Variants in SYN3 observed in about 807,000 individuals in gnomAD.
SYN3 encodes the protein synapsin III, also known as synapsin-3.
In SYN3, 35 loss-of-function variants were observed where a neutral mutation model predicts 65.8. The observed-to-expected ratio is 0.53, with a 90% CI of 0.41 to 0.70. The LOEUF is 0.70. SYN3 is among the 30% of genes least tolerant of loss of function. The pLI, the probability that SYN3 is intolerant of heterozygous loss-of-function variation, is 0.00. For synonymous variants in SYN3, 270 were observed against 292.9 expected (o/e 0.92, Z 0.80); for missense variants, 680 against 749.0 (o/e 0.91, Z 1.08).
chr22:32,997,393 T>G (rs960170432), intron 2 of SYN3, among the ~76,000 whole-genome samples: 1 of 152,134 alleles, frequency 6.6e-6, no homozygotes, highest in African/African-American at 2.4e-5. Context: ...TCAGCATCTA[T>G]CTCGTGCCAC....
At chr22:32,606,425 G>A (rs530340819) in intron 6 of SYN3, among the ~76,000 whole-genome samples, 48 of 152,256 alleles carry the variant, frequency 3.2e-4, no homozygotes, top group African/African-American at 1.1e-3. Flanking sequence ...TTTTAAGCAC[G>A]GCACATAGAG....
chr22:32,851,223 C>T (rs889410388), intron 6 of SYN3, among the ~76,000 whole-genome samples: 1 of 152,176 alleles, frequency 6.6e-6, no homozygotes, highest in Admixed American at 6.5e-5. Flanking sequence ...GTTCAGAAAA[C>T]ACACGAACCT....
chr22:32,831,339 G>A (rs1048681047), intron 6 of SYN3, among the ~76,000 whole-genome samples: 1 of 152,200 alleles, frequency 6.6e-6, no homozygotes, highest in Non-Finnish European at 1.5e-5. Context: ...CAGAGAAGAG[G>A]TGAATTGTTT....
At chr22:33,032,646 A>T (rs921049959) in intron 1 of SYN3, among the ~76,000 whole-genome samples, 5 of 149,804 alleles carry the variant, frequency 3.3e-5, no homozygotes, top group South Asian at 2.1e-4. Flanking sequence ...ATCCTGTTAA[A>T]TTTTTTTTTT....
chr22:32,553,614 C>T (rs1308885418), intron 7 of SYN3, among the ~76,000 whole-genome samples: 1 of 133,318 alleles, frequency 7.5e-6, no homozygotes, highest in African/African-American at 2.8e-5. Flanking sequence ...CAGACTCACC[C>T]ATGTATTATA....
intron 1 of SYN3, among the ~76,000 whole-genome samples, chr22:33,017,479 A>G (rs2053487120): frequency 2.0e-5 from 3 of 152,334 alleles, no homozygotes; most frequent in Admixed American, 2.0e-4. Context: ...TAGTACGGAC[A>G]TATCATTCTT....
chr22:32,829,969 T>G (rs1463279534), intron 6 of SYN3, among the ~76,000 whole-genome samples: 3 of 152,200 alleles, frequency 2.0e-5, no homozygotes, highest in Non-Finnish European at 4.4e-5. Context: ...TCTGCATTGC[T>G]CTGGGGTGTT....
At chr22:33,008,225 C>G (rs2053248020) in intron 1 of SYN3, among the ~76,000 whole-genome samples, 1 of 152,230 alleles carries the variant, frequency 6.6e-6, no homozygotes, top group Non-Finnish European at 1.5e-5. Context: ...GCGTGAGCCA[C>G]TGTGCCCAGC....
chr22:32,615,390 T>C (rs2059501928), intron 6 of SYN3, among the ~76,000 whole-genome samples: 2 of 136,104 alleles, frequency 1.5e-5, no homozygotes, highest in Non-Finnish European at 3.0e-5. Flanking sequence ...GCTGAGGTTG[T>C]GTCACTGCAC....
At chr22:32,954,138 A>C (rs1352102383) in intron 3 of SYN3, among the ~76,000 whole-genome samples, 4 of 151,852 alleles carry the variant, frequency 2.6e-5, no homozygotes, top group Non-Finnish European at 5.9e-5. Context: ...AAAACAAAAC[A>C]AAACAAAACA....
intron 6 of SYN3, among the ~76,000 whole-genome samples, chr22:32,644,053 G>T (rs747861172): frequency 2.8e-4 from 38 of 133,834 alleles, no homozygotes; most frequent in Non-Finnish European, 4.8e-4. Context: ...ACTCCAGCCT[G>T]GGCAAGCGAG....
At position 32,608,997 on chromosome 22, in the gene SYN3, T is replaced by G. The variant is rs1423233861; in HGVS notation, c.712-12261A>C. 4.6e-5 allele frequency among the ~76,000 whole-genome samples: 7 copies of G among 152,206 alleles called. No individual in the cohort carries two copies. In the South Asian group the frequency reaches 6.2e-4, roughly 13 times the overall value. ...AAAGTTTTCCTTTTTGTACTATTTA[T>G]TGTAAAAATATCTGCTTTGAATTTA... On this transcript the variant is annotated intron_variant, in intron 6 of 13. Coordinates refer to ENST00000358763, the MANE Select transcript of SYN3 (RefSeq NM_003490.4).
chr22:32,814,896 G>A (rs960929444), intron 6 of SYN3, among the ~76,000 whole-genome samples: 6 of 152,002 alleles, frequency 3.9e-5, no homozygotes, highest in Admixed American at 6.6e-5. Flanking sequence ...TTAAAAAAAC[G>A]AGGAAAAAGT....
At chr22:32,985,871 TC>T (rs1259904064) in intron 2 of SYN3, among the ~76,000 whole-genome samples, 2 of 152,008 alleles carry the variant, frequency 1.3e-5, no homozygotes, top group African/African-American at 2.4e-5. Flanking sequence ...TGTTTCAAGA[TC>T]CTATGAGTGA....
intron 3 of SYN3, among the ~76,000 whole-genome samples, chr22:32,976,145 C>G (rs138497324): frequency 1.3e-5 from 2 of 152,202 alleles, no homozygotes; most frequent in African/African-American, 2.4e-5. Flanking sequence ...ATGAACAGGT[C>G]TCCCAACAGC....
chr22:32,522,479 G>A (rs1016216751), intron 12 of SYN3, among the ~76,000 whole-genome samples: 1 of 152,126 alleles, frequency 6.6e-6, no homozygotes, highest in South Asian at 2.1e-4. Flanking sequence ...GGGAAAGGAG[G>A]GTGTGGGGCA....
At chr22:32,896,629 A>G (rs2049601095) in intron 4 of SYN3, among the ~76,000 whole-genome samples, 1 of 152,252 alleles carries the variant, frequency 6.6e-6, no homozygotes, top group South Asian at 2.1e-4. Context: ...TTTGAAATTA[A>G]TTAGAACCAA....
intron 4 of SYN3, among the ~76,000 whole-genome samples, chr22:32,893,540 G>A (rs1450236097): frequency 1.3e-5 from 2 of 152,178 alleles, no homozygotes; most frequent in South Asian, 4.2e-4. Flanking sequence ...AGTAAGTGGA[G>A]ATTAGGAATT....
At chr22:32,749,676 A>C (rs184222210) in intron 6 of SYN3, among the ~76,000 whole-genome samples, 2 of 152,184 alleles carry the variant, frequency 1.3e-5, no homozygotes, top group Admixed American at 1.3e-4. Flanking sequence ...CAACATATAC[A>C]TTTTGTAGGG....
Sources: allele counts gnomAD v4.1 joint callset (sites outside exome capture counted in the v4.1 genomes callset), GRCh38; gene constraint gnomAD v4.1.1; transcripts MANE v1.5; gene names NCBI Gene and HGNC (gene_info 2026-07-23, HGNC 2026-07-21).